Variants in GALNTL6 observed in about 807,000 individuals in gnomAD.
The protein encoded by GALNTL6 is polypeptide N-acetylgalactosaminyltransferase-like 6.
A neutral mutation model predicts 73.7 loss-of-function variants in GALNTL6; 46 were observed. That is an observed-to-expected ratio of 0.62 (90% CI 0.49 to 0.80). The LOEUF is 0.80. Among genes scored for constraint, GALNTL6 ranks in the 30% least tolerant of loss-of-function variants. GALNTL6 has a pLI of 0.00. For missense variants in GALNTL6, 604 were observed against 755.0 expected (o/e 0.80, Z 2.34); for synonymous variants, 259 against 263.7 (o/e 0.98, Z 0.17).
chr4:171,857,996 T>C (rs1312881676), intron 2 of GALNTL6, among the ~76,000 whole-genome samples: 1 of 152,192 alleles, frequency 6.6e-6, no homozygotes, highest in Admixed American at 6.5e-5. Context: ...AGATCAATGA[T>C]ATGGTTAGTG....
chr4:172,244,799 T>G (rs1447531376), intron 3 of GALNTL6, among the ~76,000 whole-genome samples: 1 of 152,198 alleles, frequency 6.6e-6, no homozygotes, highest in Non-Finnish European at 1.5e-5. Context: ...GCTATTTCGC[T>G]TTGCTTCTGG....
chr4:172,358,272 T>G (rs1742237640), intron 5 of GALNTL6, among the ~76,000 whole-genome samples: 1 of 152,138 alleles, frequency 6.6e-6, no homozygotes, highest in Admixed American at 6.5e-5. Context: ...ATTTCACTAT[T>G]AAGAAAAATA....
chr4:172,528,671 A>G (rs977651707), intron 5 of GALNTL6, among the ~76,000 whole-genome samples: 1 of 151,334 alleles, frequency 6.6e-6, no homozygotes, highest in East Asian at 2.0e-4. Flanking sequence ...ATAATTTGCT[A>G]AGCAATCAAC....
intron 2 of GALNTL6, among the ~76,000 whole-genome samples, chr4:171,839,928 T>C (rs935613570): frequency 1.3e-5 from 2 of 152,136 alleles, no homozygotes; most frequent in African/African-American, 4.8e-5. Flanking sequence ...CTTGACAGTT[T>C]TTTCCTCTCT....
At chr4:172,616,475 A>G (rs1738735399) in intron 5 of GALNTL6, among the ~76,000 whole-genome samples, 1 of 151,412 alleles carries the variant, frequency 6.6e-6, no homozygotes, top group Non-Finnish European at 1.5e-5. Context: ...ATTTTTTTAA[A>G]ATCAAATTAT....
chr4:171,888,012 C>G (rs1560827219), intron 2 of GALNTL6, among the ~76,000 whole-genome samples: 1 of 151,804 alleles, frequency 6.6e-6, no homozygotes, highest in Non-Finnish European at 1.5e-5. Flanking sequence ...AATGTTTAGT[C>G]TTTTTGTTTA....
intron 2 of GALNTL6, among the ~76,000 whole-genome samples, chr4:171,932,434 G>A (rs78224906): frequency 0.042 from 6,444 of 152,286 alleles, 395 homozygotes; most frequent in African/African-American, 0.14. Context: ...GTTATCAACT[G>A]TGAACAGCTG....
chr4:172,991,649 C>G lies in GALNTL6; in HGVS notation c.1372-17529C>G, dbSNP rs535641654. Among the ~76,000 whole-genome samples the G allele has an allele frequency of 7.2e-5, 11 of 152,136 alleles. No homozygotes were observed. The East Asian group carries it at 2.1e-3, about 29-fold the overall frequency. On this transcript the variant is annotated intron_variant, in intron 10 of 12. Coordinates refer to ENST00000506823, the MANE Select transcript of GALNTL6 (RefSeq NM_001034845.3). The stretch of plus-strand genomic sequence containing the variant: ...TCTGGAGCTCCTGACCTCAAATTAT[C>G]CTCCCACCTCAGCCTCCCAAAGTGC...
At chr4:172,902,330 C>T (rs371517287) in intron 8 of GALNTL6, among the ~76,000 whole-genome samples, 11 of 152,126 alleles carry the variant, frequency 7.2e-5, no homozygotes, top group South Asian at 4.1e-4. Flanking sequence ...AAATTTTTAT[C>T]AAACTAAAAG....
chr4:172,983,524 G>A (rs28483480), intron 10 of GALNTL6, among the ~76,000 whole-genome samples: 122,068 of 152,038 alleles, frequency 0.8, 49,693 homozygotes, highest in Middle Eastern at 0.91. Flanking sequence ...GTGAAACCTT[G>A]TCTCTACAAA....
chr4:172,243,644 C>T (rs1468245961), intron 3 of GALNTL6, among the ~76,000 whole-genome samples: 10 of 152,124 alleles, frequency 6.6e-5, no homozygotes, highest in Admixed American at 6.6e-4. Context: ...TTACTAATTA[C>T]TGCAAATTGC....
At chr4:172,568,142 T>C (rs1421885127) in intron 5 of GALNTL6, among the ~76,000 whole-genome samples, 1 of 152,234 alleles carries the variant, frequency 6.6e-6, no homozygotes, top group Non-Finnish European at 1.5e-5. Context: ...GTATCTTTTC[T>C]TGTTAATTCT....
intron 10 of GALNTL6, among the ~76,000 whole-genome samples, chr4:172,953,607 C>T (rs1350416964): frequency 1.3e-5 from 2 of 152,190 alleles, no homozygotes; most frequent in Admixed American, 6.5e-5. Context: ...TGTTCCAGAT[C>T]CCTGTAGAAG....
chr4:172,693,164 G>A (rs1733421779), intron 5 of GALNTL6, among the ~76,000 whole-genome samples: 1 of 152,132 alleles, frequency 6.6e-6, no homozygotes, highest in Admixed American at 6.5e-5. Context: ...CTCTAAATCA[G>A]AATGCTAATT....
chr4:172,026,187 T>C (rs548746149), intron 2 of GALNTL6, among the ~76,000 whole-genome samples: 3 of 150,818 alleles, frequency 2.0e-5, no homozygotes, highest in African/African-American at 4.9e-5. Flanking sequence ...CTATGAACAA[T>C]ATTGCATTTG....
At chr4:171,946,326 T>C (rs1738700999) in intron 2 of GALNTL6, among the ~76,000 whole-genome samples, 1 of 152,180 alleles carries the variant, frequency 6.6e-6, no homozygotes, top group Non-Finnish European at 1.5e-5. Context: ...ATGACTAAAA[T>C]AGGAAAAGTA....
chr4:172,281,216 G>A (rs752601724), intron 3 of GALNTL6, among the ~76,000 whole-genome samples: 1 of 152,052 alleles, frequency 6.6e-6, no homozygotes, highest in Non-Finnish European at 1.5e-5. Context: ...TACAGTTCCG[G>A]AAGTGAGAAG....
chr4:172,681,565 G>A (rs1732634138), intron 5 of GALNTL6, among the ~76,000 whole-genome samples: 1 of 152,092 alleles, frequency 6.6e-6, no homozygotes, highest in South Asian at 2.1e-4. Flanking sequence ...TTACTTTCAT[G>A]TGTTTCTTAG....
chr4:172,709,264 T>A (rs150712113), intron 5 of GALNTL6, among the ~76,000 whole-genome samples: 167 of 152,264 alleles, frequency 1.1e-3, no homozygotes, highest in African/African-American at 3.4e-3. Context: ...CAAACAAGAT[T>A]GGAGGCAGTG....
Sources: gnomAD v4.1 joint callset for allele counts (sites outside exome capture counted in the v4.1 genomes callset) on GRCh38, gnomAD v4.1.1 for gene constraint, MANE v1.5 for transcripts, NCBI Gene and HGNC (gene_info 2026-07-23, HGNC 2026-07-21) for gene names.